DHDDS: variants seen among roughly 807,000 people sequenced by gnomAD.
The protein encoded by DHDDS is dehydrodolichyl diphosphate synthase complex subunit DHDDS.
DHDDS carries 16 observed loss-of-function variants against 46.2 expected under a neutral mutation model. The ratio of observed to expected loss-of-function variants is 0.35; its 90% CI spans 0.23 to 0.53. DHDDS has a LOEUF of 0.53. Among genes scored for constraint, DHDDS ranks in the 20% least tolerant of loss-of-function variants. The probability of loss-of-function intolerance (pLI) is 0.94; values close to 1 mark genes in which losing one functional copy is unlikely to be tolerated. For synonymous variants in DHDDS, 151 were observed against 163.1 expected, an observed-to-expected ratio of 0.93 and a Z score of 0.56; for missense variants, 340 against 423.7, an observed-to-expected ratio of 0.80 and a Z score of 1.73.
chr1:26,469,155 T>C lies in DHDDS; in HGVS notation c.*24T>C. The C allele has an allele frequency of 1.2e-6, 2 of 1,611,684 alleles. No individual in the cohort carries two copies. The highest frequency in any genetic ancestry group is 2.2e-5 in the East Asian group (1 of 44,886). On this transcript the variant is annotated 3_prime_UTR_variant, in exon 9 of 9. Transcript: ENST00000236342. ...GAATGAGGCTGGCCACCTGCCACTT[T>C]GCCCTGCCCTCTGCCTCCAGGGCTC...
chr1:26,468,795 A>ACTTGGCCCCCCC, intron 8 of DHDDS, 100 bp from the exon 9 acceptor site: 2 of 1,441,080 alleles, frequency 1.4e-6, no homozygotes, highest in Admixed American at 2.0e-5. Flanking sequence ...GTTCCACTTC[A>ACTTGGCCCCCCC]CTTGGCCCAC....
rs1346408892 is a variant in DHDDS at position 26,437,169 on chromosome 1, C to CA, written c.64-989dup. On this transcript the variant is annotated intron_variant, in intron 2 of 8. Coordinates refer to ENST00000236342, the MANE Select transcript of DHDDS (RefSeq NM_205861.3). The stretch of plus-strand genomic sequence containing the variant: ...TGGGCGACAGAGCGAGACTCCTTCT[C>CA]AAAAAAAAAACAGAACAAAACTGTG... Among the ~76,000 whole-genome samples, 382 of 145,016 alleles carry CA rather than the reference C, an allele frequency of 2.6e-3. 1 individual carries two copies. Among genetic ancestry groups the CA allele is most frequent in the East Asian group, 0.013 (65 of 4,966 alleles).
chr1:26,434,185 A>G (rs1026735494), intron 2 of DHDDS, among the ~76,000 whole-genome samples: 3 of 152,224 alleles, frequency 2.0e-5, no homozygotes, highest in Non-Finnish European at 4.4e-5. Flanking sequence ...TTTGAAGACT[A>G]TTATCTCCTA....
chr1:26,446,469 A>G, intron 5 of DHDDS, 37 bp downstream of exon 5: 3 of 1,593,642 alleles, frequency 1.9e-6, no homozygotes, highest in Non-Finnish European at 2.6e-6. Flanking sequence ...AGCTGTTTCA[A>G]TCTTTGATTC....
rs555635751 is a variant in DHDDS at position 26,450,001 on chromosome 1, C to T, written c.542+2341C>T. 7.9e-5 allele frequency among the ~76,000 whole-genome samples: 12 copies of T among 152,180 alleles called. No homozygotes were observed. In the South Asian group the frequency reaches 1.7e-3, roughly 21 times the overall value. ...CAGAGATGTCAGGTCAACAGTTCAGCGAGGGATTGGTATAGTCAGGTCAAC... is the reference window on the plus strand; with the variant it reads ...CAGAGATGTCAGGTCAACAGTTCAGTGAGGGATTGGTATAGTCAGGTCAAC... On this transcript the variant is annotated intron_variant, in intron 6 of 8. Transcript: ENST00000236342.
chr1:26,458,273 C>A (rs2075389612), intron 7 of DHDDS, among the ~76,000 whole-genome samples: 1 of 152,190 alleles, frequency 6.6e-6, no homozygotes, highest in South Asian at 2.1e-4. Context: ...GGATAAAGGG[C>A]CATACCTATG....
chr1:26,451,034 T>C (rs1159261731), intron 6 of DHDDS, among the ~76,000 whole-genome samples: 3 of 152,186 alleles, frequency 2.0e-5, no homozygotes, highest in Admixed American at 1.3e-4. Context: ...CACATTACAG[T>C]AACCACTACC....
intron 6 of DHDDS, chr1:26,454,755 G>A (rs2075355118): frequency 5.0e-6 from 8 of 1,588,312 alleles, no homozygotes; most frequent in Non-Finnish European, 6.0e-6. Context: ...ATCTCAATGT[G>A]GCAGGGAGAG....
intron 8 of DHDDS, among the ~76,000 whole-genome samples, chr1:26,466,562 G>C (rs1243114160): frequency 6.6e-6 from 1 of 152,252 alleles, no homozygotes; most frequent in Admixed American, 6.5e-5. Context: ...TCTGCTATCT[G>C]AACAATGAAC....
intron 2 of DHDDS, among the ~76,000 whole-genome samples, chr1:26,435,948 A>G (rs1313627870): frequency 2.6e-5 from 4 of 151,676 alleles, no homozygotes; most frequent in Non-Finnish European, 5.9e-5. Context: ...TGGGGTTTCA[A>G]CATGTTGGCC....
At chr1:26,432,803 T>C in intron 1 of DHDDS, 88 bp from the exon 2 acceptor site, 1 of 779,436 alleles carries the variant, frequency 1.3e-6, no homozygotes, top group Non-Finnish European at 2.2e-6. Flanking sequence ...TGCTGGCTGC[T>C]CTCCATAGTC....
chr1:26,464,032 T>C (rs984911966), intron 8 of DHDDS, among the ~76,000 whole-genome samples: 11 of 129,304 alleles, frequency 8.5e-5, no homozygotes, highest in African/African-American at 2.9e-4. Flanking sequence ...GGAATCTCAC[T>C]CTGTCGCTGG....
chr1:26,438,518 G>A, intron 3 of DHDDS: 2 of 478,504 alleles, frequency 4.2e-6, no homozygotes, highest in African/African-American at 2.0e-5. Flanking sequence ...GAGCCCAGGG[G>A]TTCAGGACTA....
chr1:26,440,033 G>A (rs955450170), intron 3 of DHDDS, among the ~76,000 whole-genome samples: 4 of 152,134 alleles, frequency 2.6e-5, no homozygotes, highest in Non-Finnish European at 2.9e-5. Flanking sequence ...CCAGCTACTC[G>A]GGAGGCTGAG....
At chr1:26,454,022 C>T (rs1042496102) in intron 6 of DHDDS, among the ~76,000 whole-genome samples, 3 of 151,910 alleles carry the variant, frequency 2.0e-5, no homozygotes, top group Non-Finnish European at 4.4e-5. Context: ...GGTGCAATCT[C>T]GGCTCACTAC....
intron 2 of DHDDS, among the ~76,000 whole-genome samples, chr1:26,434,992 C>A (rs1570327683): frequency 6.6e-6 from 1 of 150,808 alleles, no homozygotes; most frequent in East Asian, 2.0e-4. Flanking sequence ...CAAAAAAAGT[C>A]TTTTTTGTTT....
chr1:26,452,163 A>G (rs1001411820), intron 6 of DHDDS, among the ~76,000 whole-genome samples: 3 of 152,054 alleles, frequency 2.0e-5, no homozygotes, highest in Non-Finnish European at 2.9e-5. Context: ...CTTCCACCTC[A>G]GCTTCCTGAG....
At chr1:26,466,433 C>T (rs1047274753) in intron 8 of DHDDS, 3 of 152,196 alleles carry the variant, frequency 2.0e-5, no homozygotes, top group African/African-American at 4.8e-5. Context: ...TACACAGGCA[C>T]GAGATACACT....
intron 4 of DHDDS, among the ~76,000 whole-genome samples, chr1:26,443,540 G>A (rs945100895): frequency 1.3e-5 from 2 of 150,592 alleles, no homozygotes; most frequent in Middle Eastern, 3.2e-3. Context: ...GAGACTGCTT[G>A]CTTCAAAGTA....
Sources: allele counts gnomAD v4.1 joint callset (sites outside exome capture counted in the v4.1 genomes callset), GRCh38; gene constraint gnomAD v4.1.1; transcripts MANE v1.5; gene names NCBI Gene and HGNC (gene_info 2026-07-23, HGNC 2026-07-21).